RORA: variants seen among roughly 807,000 people sequenced by gnomAD.
RORA encodes nuclear receptor ROR-alpha.
A neutral mutation model predicts 69.5 loss-of-function variants in RORA; 7 were observed. The ratio of observed to expected loss-of-function variants is 0.10; its 90% CI spans 0.06 to 0.19. The LOEUF is 0.19. RORA is among the 10% of genes least tolerant of loss of function. The pLI, the probability that RORA is intolerant of heterozygous loss-of-function variation, is 1.00. For synonymous variants in RORA, 261 were observed against 240.8 expected, an observed-to-expected ratio of 1.08 and a Z score of -0.78; for missense variants, 457 against 663.0, an observed-to-expected ratio of 0.69 and a Z score of 3.41.
chr15:60,709,318 A>G (rs2071111324), intron 1 of RORA, among the ~76,000 whole-genome samples: 1 of 152,226 alleles, frequency 6.6e-6, no homozygotes, highest in African/African-American at 2.4e-5. Context: ...CTGAGAAACC[A>G]TTAGCATTAC....
chr15:60,756,233 C>A (rs573465614), intron 1 of RORA, among the ~76,000 whole-genome samples: 2 of 152,204 alleles, frequency 1.3e-5, no homozygotes, highest in African/African-American at 4.8e-5. Context: ...CATCACCTAC[C>A]TGTGCTCATG....
At chr15:60,766,999 C>G (rs967504871) in intron 1 of RORA, among the ~76,000 whole-genome samples, 4 of 152,196 alleles carry the variant, frequency 2.6e-5, no homozygotes, top group Non-Finnish European at 5.9e-5. Flanking sequence ...TGGCAGCCCA[C>G]AGGTTGTGTA....
chr15:61,030,279 A>T (rs1354643497), intron 1 of RORA, among the ~76,000 whole-genome samples: 3 of 152,086 alleles, frequency 2.0e-5, no homozygotes, highest in Non-Finnish European at 4.4e-5. Flanking sequence ...AAAGGATTTG[A>T]AGGTTATAAT....
At chr15:60,907,584 A>G (rs1891581500) in intron 1 of RORA, among the ~76,000 whole-genome samples, 1 of 152,202 alleles carries the variant, frequency 6.6e-6, no homozygotes, top group African/African-American at 2.4e-5. Flanking sequence ...TGGAAATTTA[A>G]CACAGCAATA....
At position 60,676,873 on chromosome 15, in the gene RORA, C is replaced by T. The variant is rs538550852; in HGVS notation, c.196+1784G>A. 6.6e-5 allele frequency among the ~76,000 whole-genome samples: 10 copies of T among 152,308 alleles called. No homozygotes were observed. In the South Asian group the frequency reaches 2.1e-3, roughly 32 times the overall value. On this transcript the variant is annotated intron_variant, in intron 2 of 10. Transcript: ENST00000335670. Reference sequence around the variant, plus strand: ...AGGGATGACAGTTCCTCGAATGTCTCTCTTTATATGGACTGTCTGTATACT... The same window carrying T: ...AGGGATGACAGTTCCTCGAATGTCTTTCTTTATATGGACTGTCTGTATACT...
At chr15:60,503,008 A>G in intron 7 of RORA, 141 bp from the exon 8 acceptor site, 1 of 732,000 alleles carries the variant, frequency 1.4e-6, no homozygotes, top group South Asian at 1.5e-5. Context: ...TCTCAGTCAC[A>G]TCAGCTGTCT....
At chr15:60,864,485 T>C (rs1268038821) in intron 1 of RORA, among the ~76,000 whole-genome samples, 1 of 41,154 alleles carries the variant, frequency 2.4e-5, no homozygotes, top group Non-Finnish European at 6.1e-5. Flanking sequence ...ACCATCCTTG[T>C]TTTTTTTTTT....
intron 1 of RORA, among the ~76,000 whole-genome samples, chr15:61,126,515 T>C (rs893780650): frequency 6.6e-6 from 1 of 152,186 alleles, no homozygotes; most frequent in Non-Finnish European, 1.5e-5. Context: ...TCCCCCTCCT[T>C]GCTTTTTAAA....
chr15:60,538,999 GCACACACACACA>G (rs57764714), intron 2 of RORA, among the ~76,000 whole-genome samples: 1 of 149,968 alleles, frequency 6.7e-6, no homozygotes, highest in Non-Finnish European at 1.5e-5. Flanking sequence ...CCTGCCAAAT[GCACACACACACA>G]CACACACACA....
intron 1 of RORA, among the ~76,000 whole-genome samples, chr15:61,216,979 C>A (rs568077805): frequency 3.3e-5 from 5 of 152,198 alleles, no homozygotes; most frequent in African/African-American, 1.2e-4. Flanking sequence ...TAGGCCTGAT[C>A]GTGCAATTGA....
At chr15:61,016,642 C>G (rs551269495) in intron 1 of RORA, among the ~76,000 whole-genome samples, 2 of 152,100 alleles carry the variant, frequency 1.3e-5, no homozygotes, top group African/African-American at 2.4e-5. Context: ...TCATAAGCTA[C>G]GCCCATCATC....
Position 60,798,221 on chromosome 15 carries a change from GACACACACACACACACAC to G in RORA, c.167-119553_167-119536del, listed in dbSNP as rs34480684. ...CCCCTTCCCCTTCATTTCCCCAACA[GACACACACACACACACAC>G]ACACACACACACACACACACACACA... On this transcript the variant is annotated intron_variant, in intron 1 of 10. Transcript: ENST00000335670. Among the ~76,000 whole-genome samples the G allele has an allele frequency of 5.9e-3, 861 of 145,326 alleles. 8 individuals are homozygous for G. Among genetic ancestry groups the G allele is most frequent in the African/African-American group, 0.017 (656 of 39,050 alleles).
intron 1 of RORA, among the ~76,000 whole-genome samples, chr15:61,094,504 T>C (rs1411696593): frequency 1.3e-5 from 2 of 152,184 alleles, no homozygotes; most frequent in African/African-American, 4.8e-5. Context: ...ATCCAATGAA[T>C]ATAGAACACA....
chr15:60,744,836 G>A (rs1056680576), intron 1 of RORA, among the ~76,000 whole-genome samples: 8 of 152,240 alleles, frequency 5.3e-5, no homozygotes, highest in African/African-American at 1.4e-4. Flanking sequence ...TCTCTGAGTC[G>A]GGAGCCAGGG....
At chr15:61,117,664 A>G (rs1596003488) in intron 1 of RORA, among the ~76,000 whole-genome samples, 1 of 152,246 alleles carries the variant, frequency 6.6e-6, no homozygotes, top group East Asian at 1.9e-4. Flanking sequence ...GGATTTTGAA[A>G]TCATTTGAAT....
chr15:60,638,386 C>CTTTTTTTTT (rs375782514), intron 2 of RORA, among the ~76,000 whole-genome samples: 1 of 117,922 alleles, frequency 8.5e-6, no homozygotes, highest in African/African-American at 3.2e-5. Flanking sequence ...ATTTTCTTTT[C>CTTTTTTTTT]TTTTTTTTTT....
chr15:61,180,455 G>C lies in RORA; in HGVS notation c.166+48598C>G, dbSNP rs911295968. 3.3e-5 allele frequency among the ~76,000 whole-genome samples: 5 copies of C among 152,312 alleles called. No individual in the cohort carries two copies. In the East Asian group the frequency reaches 9.7e-4, roughly 29 times the overall value. On this transcript the variant is annotated intron_variant, in intron 1 of 10. Transcript: ENST00000335670. ...ACCCTACAAGGTTATAGGGTCATTT[G>C]TGCGGACCAATTAGTTACCTTGCTG...
intron 10 of RORA, among the ~76,000 whole-genome samples, chr15:60,499,133 TC>T (rs1243750071): frequency 6.6e-6 from 1 of 152,158 alleles, no homozygotes; most frequent in Non-Finnish European, 1.5e-5. Flanking sequence ...AATGCAAAAG[TC>T]ATTTACTGTT....
At chr15:61,017,465 AAT>A (rs1373448336) in intron 1 of RORA, among the ~76,000 whole-genome samples, 5 of 152,208 alleles carry the variant, frequency 3.3e-5, no homozygotes, top group Non-Finnish European at 1.5e-5. Context: ...ACTTGACTCC[AAT>A]ATCTCAAGAA....
Sources: allele counts gnomAD v4.1 joint callset (sites outside exome capture counted in the v4.1 genomes callset), GRCh38; gene constraint gnomAD v4.1.1; transcripts MANE v1.5; gene names NCBI Gene and HGNC (gene_info 2026-07-23, HGNC 2026-07-21).